Variants in TMEM266 observed in about 807,000 individuals in gnomAD.
TMEM266 encodes Hv1 related protein 1.
In TMEM266, 33 loss-of-function variants were observed where a neutral mutation model predicts 50.5. The observed-to-expected ratio is 0.65, with a 90% CI of 0.50 to 0.87. TMEM266 has a LOEUF of 0.87. Ranked by LOEUF, TMEM266 falls within the 40% of genes least tolerant of loss-of-function variation. TMEM266 has a pLI of 0.00. For synonymous variants in TMEM266, 310 were observed against 292.3 expected (o/e 1.06, Z -0.62); for missense variants, 655 against 695.1 (o/e 0.94, Z 0.65).
At chr15:76,062,687 G>C (rs924420874) in intron 1 of TMEM266, among the ~76,000 whole-genome samples, 2 of 152,214 alleles carry the variant, frequency 1.3e-5, no homozygotes, top group Non-Finnish European at 2.9e-5. Flanking sequence ...CTAGTCTGCT[G>C]TCTTCCATTC....
chr15:76,188,692 G>T (rs145440661), intron 8 of TMEM266, among the ~76,000 whole-genome samples: 58 of 152,320 alleles, frequency 3.8e-4, no homozygotes, highest in African/African-American at 1.3e-3. Flanking sequence ...CCACCCCCAA[G>T]ATTCAATCAC....
intron 1 of TMEM266, among the ~76,000 whole-genome samples, chr15:76,091,157 T>G (rs1446675211): frequency 6.6e-6 from 1 of 152,054 alleles, no homozygotes; most frequent in African/African-American, 2.4e-5. Context: ...GCCATAGTGT[T>G]GAAGTGAGAG....
At chr15:76,169,286 G>T (rs1188226671) in intron 5 of TMEM266, among the ~76,000 whole-genome samples, 6 of 152,136 alleles carry the variant, frequency 3.9e-5, no homozygotes, top group Admixed American at 3.9e-4. Flanking sequence ...TTAGTTGGGT[G>T]GCCATGCTGG....
In TMEM266 at chr15:76,130,218, C is replaced by CAA. The variant is rs869247918; in HGVS notation, c.-96-3915_-96-3914dup. On this transcript the variant is annotated intron_variant, in intron 1 of 10. Coordinates refer to ENST00000388942, the MANE Select transcript of TMEM266 (RefSeq NM_152335.3). ...TCTGGCCAACAGAGTGAGACCCTGT[C>CAA]AAAAAAAAAAAAAAAAAAAAAAAAA... Among the ~76,000 whole-genome samples, 4 of 25,762 alleles carry CAA rather than the reference C, an allele frequency of 1.6e-4. 1 individual carries two copies. Among genetic ancestry groups the CAA allele is most frequent in the African/African-American group, 7.4e-4 (4 of 5,400 alleles). The allele number at this position is 25,762 out of a possible 152,430, so 16.9% of individuals were successfully genotyped here. A position where few individuals can be genotyped will look rare whatever the true frequency, so the allele number is the denominator to read the frequency against.
chr15:76,175,636 C>A lies in TMEM266; in HGVS notation c.730C>A (p.Gln244Lys). The A allele has an allele frequency of 6.2e-7, 1 of 1,614,186 alleles. No homozygotes were observed. The highest frequency in any genetic ancestry group is 8.5e-7 in the Non-Finnish European group (1 of 1,180,000). Residue 244 changes from glutamine to lysine, a missense_variant, in exon 8 of 11, where the codon CAG becomes AAG. Gln to Lys is a moderately conservative substitution (Grantham distance 53). Around this residue, in one of 3 missense-constraint regions of TMEM266, gnomAD observed 455 missense variants for 401.8 expected, o/e 1.13. Transcript: ENST00000388942. ...GAAGGCCAAGGTCATCCAAGACGAG[C>A]AGCTGGAGAGGCTGACGCAGATCTG...
intron 1 of TMEM266, among the ~76,000 whole-genome samples, chr15:76,080,777 C>T (rs570019213): frequency 1.3e-5 from 2 of 151,968 alleles, no homozygotes; most frequent in Non-Finnish European, 2.9e-5. Context: ...GAGACTGTCT[C>T]GCTCTGCCAC....
chr15:76,133,672 T>C (rs1161260550), intron 1 of TMEM266, among the ~76,000 whole-genome samples: 1 of 152,092 alleles, frequency 6.6e-6, no homozygotes, highest in African/African-American at 2.4e-5. Context: ...AGCTCCAGGA[T>C]CTATTCTTTC....
intron 1 of TMEM266, among the ~76,000 whole-genome samples, chr15:76,065,698 A>G (rs549070589): frequency 3.7e-4 from 56 of 152,252 alleles, no homozygotes; most frequent in Middle Eastern, 3.4e-3. Context: ...TATGCTTAGT[A>G]AAGGGTAAGC....
intron 1 of TMEM266, among the ~76,000 whole-genome samples, chr15:76,129,791 A>G (rs2037478210): frequency 6.6e-6 from 1 of 152,078 alleles, no homozygotes; most frequent in Non-Finnish European, 1.5e-5. Flanking sequence ...GGAAGGGGAA[A>G]CCTGTAGATT....
intron 1 of TMEM266, among the ~76,000 whole-genome samples, chr15:76,132,495 T>TA (rs998483374): frequency 6.6e-6 from 1 of 151,992 alleles, no homozygotes. Flanking sequence ...TTTTAATTTA[T>TA]AAAAAAATAA....
chr15:76,073,524 T>C (rs112925226), intron 1 of TMEM266, among the ~76,000 whole-genome samples: 3,936 of 152,282 alleles, frequency 0.026, 176 homozygotes, highest in African/African-American at 0.09. Context: ...TGAGCCACCA[T>C]GCCGGGCCAA....
intron 9 of TMEM266, among the ~76,000 whole-genome samples, chr15:76,195,609 C>G (rs976302093): frequency 8.5e-5 from 13 of 152,256 alleles, no homozygotes; most frequent in Middle Eastern, 3.2e-3. Context: ...CCTCCTGGCT[C>G]TGCCCACAGC....
chr15:76,135,058 C>G (rs575004301), intron 2 of TMEM266, among the ~76,000 whole-genome samples: 2 of 152,290 alleles, frequency 1.3e-5, no homozygotes, highest in African/African-American at 4.8e-5. Context: ...ATTCACAGAG[C>G]CTTTTCATGC....
At chr15:76,203,201 G>A (rs943727205) in intron 10 of TMEM266, among the ~76,000 whole-genome samples, 2 of 151,878 alleles carry the variant, frequency 1.3e-5, no homozygotes, top group African/African-American at 4.8e-5. Context: ...CTGAAACTGA[G>A]TCATTCCTCA....
chr15:76,127,795 A>C (rs2037446298), intron 1 of TMEM266, among the ~76,000 whole-genome samples: 1 of 152,206 alleles, frequency 6.6e-6, no homozygotes, highest in Admixed American at 6.5e-5. Flanking sequence ...ATAGGGATAA[A>C]AATAACTACT....
In TMEM266 at chr15:76,182,935, G is replaced by A. The variant is rs556285373; in HGVS notation, c.768+7261G>A. 2.6e-5 allele frequency among the ~76,000 whole-genome samples: 4 copies of A among 152,098 alleles called. No homozygotes were observed. In the South Asian group the frequency reaches 8.3e-4, roughly 32 times the overall value. ...CCTGAGTCACTGATAGTTAGGGTGAGTAACACCAGTTGTTGCATCCAGCAA... is the reference window on the plus strand; with the variant it reads ...CCTGAGTCACTGATAGTTAGGGTGAATAACACCAGTTGTTGCATCCAGCAA... On this transcript the variant is annotated intron_variant, in intron 8 of 10. Transcript: ENST00000388942.
chr15:76,099,057 C>T (rs1233063815), intron 1 of TMEM266, among the ~76,000 whole-genome samples: 1 of 152,202 alleles, frequency 6.6e-6, no homozygotes, highest in Non-Finnish European at 1.5e-5. Flanking sequence ...ACTTGGCTCC[C>T]TGGCTTCAGC....
At chr15:76,150,313 G>C (rs1017181357) in intron 3 of TMEM266, among the ~76,000 whole-genome samples, 1 of 152,170 alleles carries the variant, frequency 6.6e-6, no homozygotes, top group African/African-American at 2.4e-5. Context: ...AGGGCCCCAG[G>C]CTTCGATCTG....
At chr15:76,154,374 C>T (rs1412914185) in intron 3 of TMEM266, among the ~76,000 whole-genome samples, 5 of 152,194 alleles carry the variant, frequency 3.3e-5, no homozygotes, top group Admixed American at 6.5e-5. Context: ...GTGATTGGCC[C>T]CTGTGTGCCG....
Sources: gnomAD v4.1 joint callset for allele counts (sites outside exome capture counted in the v4.1 genomes callset) on GRCh38, gnomAD v4.1.1 for gene constraint, gnomAD v4.1.1 regional missense constraint, MANE v1.5 for transcripts, NCBI Gene and HGNC (gene_info 2026-07-23, HGNC 2026-07-21) for gene names.